Variants in MAGEC3 observed in about 807,000 individuals in gnomAD.
The protein encoded by MAGEC3 is MAGE family member C3, also known as melanoma-associated antigen C3.
A neutral mutation model predicts 35.3 loss-of-function variants in MAGEC3; 34 were observed. That is an observed-to-expected ratio of 0.96 (90% CI 0.73 to 1.28). MAGEC3 has a LOEUF of 1.28. MAGEC3 is among the 50% of genes most tolerant of loss of function. The probability of loss-of-function intolerance (pLI) is 0.00; values close to 1 mark genes in which losing one functional copy is unlikely to be tolerated. For synonymous variants in MAGEC3, 202 were observed against 185.6 expected (o/e 1.09, Z -0.72); for missense variants, 561 against 483.6 (o/e 1.16, Z -1.50).
At chrX:141,881,373 A>C (rs1471813400) in intron 3 of MAGEC3, 30 bp from the exon 4 acceptor site, 1 of 1,169,020 alleles carries the variant, frequency 8.6e-7, no homozygotes, top group Non-Finnish European at 1.1e-6. Flanking sequence ...CTAGCAGCCA[A>C]TAAGATGAAG....
At chrX:141,885,459 G>T (rs1339339208) in intron 4 of MAGEC3, among the ~76,000 whole-genome samples, 1 of 108,848 alleles carries the variant, frequency 9.2e-6, no homozygotes, top group African/African-American at 3.4e-5. Context: ...GAGGTCAGGA[G>T]TTCAAGACTA....
chrX:141,888,145 C>T (rs1223734205), intron 4 of MAGEC3, among the ~76,000 whole-genome samples: 1 of 112,268 alleles, frequency 8.9e-6, no homozygotes, highest in East Asian at 2.8e-4. Flanking sequence ...CCCTGCCACC[C>T]TGCCTTCTCT....
intron 2 of MAGEC3, among the ~76,000 whole-genome samples, chrX:141,872,489 C>A (rs745840568): frequency 9.0e-6 from 1 of 111,518 alleles, no homozygotes; most frequent in East Asian, 2.8e-4. Flanking sequence ...GAAGAAACTG[C>A]ACATCCCCAA....
At chrX:141,875,978 T>C (rs1205394029) in intron 2 of MAGEC3, among the ~76,000 whole-genome samples, 1 of 111,860 alleles carries the variant, frequency 8.9e-6, no homozygotes, top group African/African-American at 3.3e-5. Flanking sequence ...CCATAGTCAA[T>C]GAAGAGGGCC....
intron 2 of MAGEC3, among the ~76,000 whole-genome samples, chrX:141,876,972 A>C (rs1388004445): frequency 8.9e-6 from 1 of 112,218 alleles, no homozygotes; most frequent in East Asian, 2.8e-4. Flanking sequence ...TGTCTGGTAG[A>C]CTAATGACTC....
At chrX:141,840,539 A>G (rs898921363) in intron 1 of MAGEC3, among the ~76,000 whole-genome samples, 1 of 111,915 alleles carries the variant, frequency 8.9e-6, no homozygotes, top group Non-Finnish European at 1.9e-5. Flanking sequence ...AACATTTCAT[A>G]AATTTGGCAT....
At chrX:141,850,259 C>G (rs2017742699) in intron 1 of MAGEC3, among the ~76,000 whole-genome samples, 1 of 110,580 alleles carries the variant, frequency 9.0e-6, no homozygotes, top group Non-Finnish European at 1.9e-5. Context: ...GGTAGGAAAA[C>G]CACCTATTGG....
At chrX:141,870,634 C>T (rs919047134) in intron 2 of MAGEC3, among the ~76,000 whole-genome samples, 1 of 111,887 alleles carries the variant, frequency 8.9e-6, no homozygotes, top group East Asian at 2.8e-4. Context: ...ACTAAAAACA[C>T]TTTTTACTGT....
At position 141,896,878 on chromosome X, in the gene MAGEC3, C is replaced by T; in HGVS notation, c.1124-4C>T. ...ACCCTCTACTCTCATTCTGGGTGTTCCAGAAGATGAGGATATGCCTGCTGC... is the reference window on the plus strand; with the variant it reads ...ACCCTCTACTCTCATTCTGGGTGTTTCAGAAGATGAGGATATGCCTGCTGC... On this transcript the variant is annotated splice_region_variant and splice_polypyrimidine_tract_variant and intron_variant, in intron 6 of 7. Coordinates refer to ENST00000298296, the MANE Select transcript of MAGEC3 (RefSeq NM_138702.1). 1 of 1,190,273 alleles carries T rather than the reference C, an allele frequency of 8.4e-7. No homozygotes were observed. The highest frequency in any genetic ancestry group is 1.1e-6 in the Non-Finnish European group (1 of 884,697).
chrX:141,879,771 G>C (rs2017948471), intron 3 of MAGEC3, among the ~76,000 whole-genome samples: 1 of 110,970 alleles, frequency 9.0e-6, no homozygotes. Context: ...CCCTAAGGGA[G>C]AACTGAGGGA....
In MAGEC3 at chrX:141,874,799, A is replaced by G. The variant is rs185078045; in HGVS notation, c.259-4376A>G. 5.3e-3 allele frequency among the ~76,000 whole-genome samples: 427 copies of G among 79,892 alleles called. 3 individuals are homozygous for G. Among genetic ancestry groups the G allele is most frequent in the African/African-American group, 0.019 (413 of 22,048 alleles). The allele number at this position is 79,892 out of a possible 115,157, so 69.4% of individuals were successfully genotyped here. A position where few individuals can be genotyped will look rare whatever the true frequency, so the allele number is the denominator to read the frequency against. ...GAAACAGAATTGTATTATTCTATGC[A>G]TTTTAAATCTGGAAATGGTAAAAAA... is the stretch of plus-strand genomic sequence containing the variant. On this transcript the variant is annotated intron_variant, in intron 2 of 7. Coordinates refer to ENST00000298296, the MANE Select transcript of MAGEC3 (RefSeq NM_138702.1).
rs754660687 is a variant in MAGEC3, at chrX:141,895,543, A to G, written c.1107A>G (p.Gln369=). Residue 369 remains glutamine, a synonymous_variant, in exon 6 of 8, where the codon CAA becomes CAG. Transcript: ENST00000298296. ...GAGGGCTGACCGAGGCGTCCCCACA[A>G]CAGAAGAAGGGAGGAGGTGCCAGCC... The part of the protein sequence containing the change: ...GRRGLTEASP[Q]QKKGGEDEDM... 6 of 1,203,355 alleles carry G rather than the reference A, an allele frequency of 5.0e-6. No individual in the cohort carries two copies. Among genetic ancestry groups the G allele is most frequent in the Non-Finnish European group, 6.7e-6 (6 of 891,561 alleles).
chrX:141,861,636 A>T (rs7058637), intron 1 of MAGEC3, among the ~76,000 whole-genome samples: 2,271 of 111,672 alleles, frequency 0.02, 61 homozygotes, highest in African/African-American at 0.07. Context: ...ATTTACAACC[A>T]TCTGATCTTC....
chrX:141,865,347 A>AT (rs758438365), intron 1 of MAGEC3, 124 bp from the exon 2 acceptor site: 34 of 625,773 alleles, frequency 5.4e-5, no homozygotes, highest in South Asian at 8.4e-5. Flanking sequence ...TTAATTTGAC[A>AT]TTTTTTTTCT....
At position 141,865,386 on chromosome X, in the gene MAGEC3, A is replaced by G. The variant is rs1470420465; in HGVS notation, c.124-85A>G. 8 of 918,533 alleles carry G rather than the reference A, an allele frequency of 8.7e-6. No individual in the cohort carries two copies. The Admixed American group carries it at 2.9e-4, about 34-fold the overall frequency. 75.7% of individuals were successfully genotyped at this position (918,533 alleles called of 1,213,427 possible). A position where few individuals can be genotyped will look rare whatever the true frequency, so the allele number is the denominator to read the frequency against. On this transcript the variant is annotated intron_variant, in intron 1 of 7. Transcript: ENST00000298296. ...ATTGCTTTCACTCATCAAGGGAAAG[A>G]CACTAAAGAAGAATAGAGTAGATCT...
intron 4 of MAGEC3, among the ~76,000 whole-genome samples, chrX:141,886,676 T>A (rs765161320): frequency 9.0e-6 from 1 of 110,802 alleles, no homozygotes; most frequent in African/African-American, 3.3e-5. Context: ...GTGGCCATTT[T>A]CCCAGTGCCA....
intron 1 of MAGEC3, 121 bp downstream of exon 1, chrX:141,838,559 C>T: frequency 9.4e-7 from 1 of 1,067,432 alleles, no homozygotes; most frequent in African/African-American, 1.8e-5. Context: ...GGGTGAGGCT[C>T]TAAGATGCTA....
intron 4 of MAGEC3, among the ~76,000 whole-genome samples, chrX:141,886,915 G>A (rs1033774083): frequency 8.9e-6 from 1 of 111,873 alleles, no homozygotes; most frequent in African/African-American, 3.3e-5. Flanking sequence ...TGCCACCATC[G>A]AGGAACTGAA....
chrX:141,857,763 T>C (rs761431575), intron 1 of MAGEC3, among the ~76,000 whole-genome samples: 1 of 111,170 alleles, frequency 9.0e-6, no homozygotes, highest in Non-Finnish European at 1.9e-5. Flanking sequence ...CCACCCTCAC[T>C]CCATGAATAT....
Sources: allele counts gnomAD v4.1 joint callset (sites outside exome capture counted in the v4.1 genomes callset), GRCh38; gene constraint gnomAD v4.1.1; transcripts MANE v1.5; gene names NCBI Gene and HGNC (gene_info 2026-07-23, HGNC 2026-07-21).